ATAD2B: variants seen among roughly 807,000 people sequenced by gnomAD.
ATAD2B encodes the protein ATPase family AAA domain-containing protein 2B.
A neutral mutation model predicts 167.6 loss-of-function variants in ATAD2B; 40 were observed. The observed-to-expected ratio is 0.24, with a 90% CI of 0.19 to 0.31. ATAD2B has a LOEUF of 0.31. Among genes scored for constraint, ATAD2B ranks in the 10% least tolerant of loss-of-function variants. The pLI, the probability that ATAD2B is intolerant of heterozygous loss-of-function variation, is 1.00. For missense variants in ATAD2B, 1,242 were observed against 1,757.2 expected (o/e 0.71, Z 5.24); for synonymous variants, 579 against 596.5 (o/e 0.97, Z 0.43).
chr2:23,686,563 C>T, the ATAD2B span, among the ~76,000 whole-genome samples: 1 of 152,028 alleles, frequency 6.6e-6, no homozygotes, highest in Admixed American at 6.6e-5. Flanking sequence ...AGCACCAGGA[C>T]CCAAGGAGGT....
At chr2:23,911,785 G>C (rs1702344118) in intron 1 of ATAD2B, among the ~76,000 whole-genome samples, 2 of 151,974 alleles carry the variant, frequency 1.3e-5, no homozygotes, top group African/African-American at 4.8e-5. Flanking sequence ...GAGCAGCCTG[G>C]CCAACATGGT....
chr2:23,709,729 C>A, the ATAD2B span, among the ~76,000 whole-genome samples: 1 of 152,036 alleles, frequency 6.6e-6, no homozygotes, highest in Non-Finnish European at 1.5e-5. Context: ...GTGAGTGGAC[C>A]ATACTCTTGT....
the ATAD2B span, among the ~76,000 whole-genome samples, chr2:23,685,963 C>T: frequency 3.3e-5 from 5 of 152,236 alleles, no homozygotes; most frequent in Admixed American, 1.3e-4. Flanking sequence ...CCAGCTAGAA[C>T]GTGGTGGGTG....
chr2:23,752,561 A>G (rs1675479415), intron 27 of ATAD2B, among the ~76,000 whole-genome samples: 1 of 151,822 alleles, frequency 6.6e-6, no homozygotes, highest in Non-Finnish European at 1.5e-5. Flanking sequence ...CAAACGTATT[A>G]CTATCAGGTC....
At chr2:23,802,593 T>C (rs1683670422) in intron 18 of ATAD2B, among the ~76,000 whole-genome samples, 1 of 151,638 alleles carries the variant, frequency 6.6e-6, no homozygotes, top group South Asian at 2.1e-4. Context: ...TTTCAGTAAA[T>C]GTGACACACT....
At chr2:23,902,572 C>T (rs1212527095) in intron 1 of ATAD2B, among the ~76,000 whole-genome samples, 3 of 152,080 alleles carry the variant, frequency 2.0e-5, no homozygotes, top group Non-Finnish European at 4.4e-5. Flanking sequence ...TGAGAGAAGG[C>T]GTTACCAGTT....
rs376087560 is a variant in ATAD2B, at chr2:23,780,207, C to T, written c.3133+2662G>A. On this transcript the variant is annotated intron_variant, in intron 22 of 27. Coordinates refer to ENST00000238789, the MANE Select transcript of ATAD2B (RefSeq NM_017552.4). Reference sequence around the variant, plus strand: ...AGGTTGCAGTGAGATGAGGTCACACCGCTGCACTCCAGCCTGAGCAACAGA... The same window carrying T: ...AGGTTGCAGTGAGATGAGGTCACACTGCTGCACTCCAGCCTGAGCAACAGA... Among the ~76,000 whole-genome samples the T allele has an allele frequency of 1.2e-3, 177 of 151,212 alleles. 2 individuals carry two copies. The Middle Eastern group carries it at 0.017, about 15-fold the overall frequency.
the ATAD2B span, among the ~76,000 whole-genome samples, chr2:23,715,723 T>C: frequency 7.6e-6 from 1 of 132,210 alleles, no homozygotes; most frequent in South Asian, 2.7e-4. Flanking sequence ...TGTGGTTAAA[T>C]ACTGAAGCTC....
At chr2:23,840,061 GT>G (rs928780923) in intron 13 of ATAD2B, among the ~76,000 whole-genome samples, 45 of 152,186 alleles carry the variant, frequency 3.0e-4, no homozygotes, top group African/African-American at 1.1e-3. Flanking sequence ...TTTGATAATA[GT>G]TTATTCTTTT....
At chr2:23,685,606 G>C in the ATAD2B span, among the ~76,000 whole-genome samples, 1 of 152,236 alleles carries the variant, frequency 6.6e-6, no homozygotes. Flanking sequence ...CTGCCCTGTG[G>C]GCAGGCTCTG....
chr2:23,857,166 T>C (rs541493280), intron 13 of ATAD2B, among the ~76,000 whole-genome samples: 1 of 152,358 alleles, frequency 6.6e-6, no homozygotes, highest in African/African-American at 2.4e-5. Context: ...AGAAACCACA[T>C]GCAATGCTTA....
At chr2:23,895,016 C>T (rs1184264956) in intron 2 of ATAD2B, among the ~76,000 whole-genome samples, 2 of 152,102 alleles carry the variant, frequency 1.3e-5, no homozygotes, top group African/African-American at 4.8e-5. Context: ...TTTACCTACA[C>T]ATATAAAATC....
the ATAD2B span, among the ~76,000 whole-genome samples, chr2:23,685,738 G>A: frequency 6.6e-6 from 1 of 152,212 alleles, no homozygotes; most frequent in East Asian, 1.9e-4. Context: ...AAGCACAGGG[G>A]TTAGGGGCAT....
intron 10 of ATAD2B, 24 bp from the exon 11 acceptor site, chr2:23,864,948 GAT>G (rs1269764920): frequency 7.5e-7 from 1 of 1,335,188 alleles, no homozygotes; most frequent in Non-Finnish European, 1.0e-6. Flanking sequence ...GGAAAAATTT[GAT>G]ATCAAACAAT....
At chr2:23,760,705 C>CACACACACACACACACACATAT (rs1676573871) in intron 24 of ATAD2B, among the ~76,000 whole-genome samples, 1 of 128,752 alleles carries the variant, frequency 7.8e-6, no homozygotes, top group Non-Finnish European at 1.7e-5. Context: ...TATATACACA[C>CACACACACACACACACACATAT]ACACACACAC....
Position 23,855,092 on chromosome 2 carries a change from G to A in ATAD2B, c.1568+2323C>T, listed in dbSNP as rs148897132. On this transcript the variant is annotated intron_variant, in intron 13 of 27. Transcript: ENST00000238789. The stretch of plus-strand genomic sequence containing the variant: ...ACCTGTAATCCCAGCTACTCGAGAG[G>A]CTGAGCCAGGAGAATCGCTTCAATG... 1.0e-3 allele frequency among the ~76,000 whole-genome samples: 156 copies of A among 152,062 alleles called. 1 individual carries two copies. The highest frequency in any genetic ancestry group is 3.6e-3 in the African/African-American group (148 of 41,456).
chr2:23,878,957 AC>A lies in ATAD2B; in HGVS notation c.901+1681del, dbSNP rs1185006353. Among the ~76,000 whole-genome samples the A allele has an allele frequency of 2.6e-5, 4 of 152,350 alleles. No individual in the cohort carries two copies. The East Asian group carries it at 7.7e-4, about 29-fold the overall frequency. On this transcript the variant is annotated intron_variant, in intron 7 of 27. Transcript: ENST00000238789. ...CTCCAACACCATTAGGGAAATGTAAACTAAAACTATAATAAATACCTGTTAA... is the reference window on the plus strand; with the variant it reads ...CTCCAACACCATTAGGGAAATGTAAATAAAACTATAATAAATACCTGTTAA...
chr2:23,693,100 G>A, the ATAD2B span, among the ~76,000 whole-genome samples: 4 of 152,156 alleles, frequency 2.6e-5, no homozygotes, highest in Admixed American at 6.5e-5. Context: ...CCAGGAGAAG[G>A]ATCGAAGCCT....
the ATAD2B span, among the ~76,000 whole-genome samples, chr2:23,712,821 G>A: frequency 6.6e-6 from 1 of 152,168 alleles, no homozygotes; most frequent in Non-Finnish European, 1.5e-5. Flanking sequence ...ATCCAAACTT[G>A]CCATGCATGC....
Sources: allele counts gnomAD v4.1 joint callset (sites outside exome capture counted in the v4.1 genomes callset), GRCh38; gene constraint gnomAD v4.1.1; transcripts MANE v1.5; gene names NCBI Gene and HGNC (gene_info 2026-07-23, HGNC 2026-07-21).